The following NAALADL2 variants were observed in gnomAD, a reference collection of about 807,000 sequenced individuals.
The protein encoded by NAALADL2 is N-acetylated alpha-linked acidic dipeptidase like 2.
Under a neutral mutation model 87.2 loss-of-function variants are expected in NAALADL2, and 76 were observed. That is an observed-to-expected ratio of 0.87 (90% CI 0.72 to 1.05). The LOEUF is 1.05. Among genes scored for constraint, NAALADL2 ranks in the 50% least tolerant of loss-of-function variants. NAALADL2 has a pLI of 0.00. For synonymous variants in NAALADL2, 354 were observed against 331.0 expected (o/e 1.07, Z -0.75); for missense variants, 1,089 against 945.8 (o/e 1.15, Z -1.99).
At chr3:175,625,237 A>T (rs12696381) in intron 10 of NAALADL2, among the ~76,000 whole-genome samples, 145,243 of 152,072 alleles carry the variant, frequency 0.96, 69,400 homozygotes, top group Admixed American at 0.97. Flanking sequence ...AACTCCACAT[A>T]ACCTCAGGTC....
At chr3:175,546,270 A>G (rs1200772020) in intron 9 of NAALADL2, among the ~76,000 whole-genome samples, 2 of 151,856 alleles carry the variant, frequency 1.3e-5, no homozygotes, top group African/African-American at 4.8e-5. Flanking sequence ...CTTTATTTTG[A>G]GCATATGTAT....
intron 7 of NAALADL2, among the ~76,000 whole-genome samples, chr3:175,465,352 T>C (rs950072184): frequency 3.9e-5 from 6 of 152,126 alleles, no homozygotes; most frequent in Non-Finnish European, 7.4e-5. Flanking sequence ...ATATGGTTTA[T>C]TTAGAATGCA....
At chr3:174,719,598 A>G (rs1436654015) in intron 2 of NAALADL2, among the ~76,000 whole-genome samples, 5 of 152,196 alleles carry the variant, frequency 3.3e-5, no homozygotes, top group Non-Finnish European at 5.9e-5. Context: ...TGTTGTTAGT[A>G]TATATCATGA....
chr3:174,495,105 A>T (rs1007925198), intron 1 of NAALADL2, among the ~76,000 whole-genome samples: 4 of 152,234 alleles, frequency 2.6e-5, no homozygotes, highest in East Asian at 3.9e-4. Flanking sequence ...TACTGGAGAA[A>T]TTTTTTTAAA....
At chr3:175,535,292 T>C (rs910816068) in intron 9 of NAALADL2, among the ~76,000 whole-genome samples, 1 of 152,224 alleles carries the variant, frequency 6.6e-6, no homozygotes, top group African/African-American at 2.4e-5. Flanking sequence ...TATTGAGGAA[T>C]GTATTTTTGG....
At chr3:175,532,330 G>T (rs998236048) in intron 9 of NAALADL2, among the ~76,000 whole-genome samples, 1 of 152,106 alleles carries the variant, frequency 6.6e-6, no homozygotes, top group Non-Finnish European at 1.5e-5. Context: ...CTGGTAAAAG[G>T]CCTGAGTTGT....
chr3:175,459,421 AG>A (rs1201473571), intron 6 of NAALADL2, among the ~76,000 whole-genome samples: 1 of 152,040 alleles, frequency 6.6e-6, no homozygotes, highest in African/African-American at 2.4e-5. Context: ...GGCGTAGAAA[AG>A]GATAAATAGA....
At chr3:175,109,101 A>G (rs1723741557) in intron 2 of NAALADL2, among the ~76,000 whole-genome samples, 1 of 151,866 alleles carries the variant, frequency 6.6e-6, no homozygotes, top group Non-Finnish European at 1.5e-5. Flanking sequence ...TTATATTTCA[A>G]TCAAATAATT....
intron 9 of NAALADL2, among the ~76,000 whole-genome samples, chr3:175,517,091 A>G (rs2149407664): frequency 1.3e-5 from 2 of 152,310 alleles, no homozygotes; most frequent in Middle Eastern, 3.4e-3. Context: ...TAACAATTCA[A>G]TCTTTACCTA....
chr3:175,324,061 A>AG, intron 4 of NAALADL2, 114 bp from the exon 5 acceptor site: 1 of 776,266 alleles, frequency 1.3e-6, no homozygotes, highest in East Asian at 2.9e-5. Context: ...AAAAAGAAAA[A>AG]GAAAAAAAAA....
chr3:175,423,758 T>C (rs1013059322), intron 5 of NAALADL2, among the ~76,000 whole-genome samples: 9 of 152,196 alleles, frequency 5.9e-5, no homozygotes, highest in African/African-American at 1.9e-4. Context: ...CAGCATGATT[T>C]ATAATCCTTT....
chr3:174,758,906 G>A (rs1712499341), intron 3 of NAALADL2, among the ~76,000 whole-genome samples: 1 of 152,094 alleles, frequency 6.6e-6, no homozygotes, highest in Non-Finnish European at 1.5e-5. Flanking sequence ...TTCTTTCCTA[G>A]TGGGCCTTAT....
chr3:174,535,420 T>A (rs996819243), intron 1 of NAALADL2, among the ~76,000 whole-genome samples: 10 of 152,208 alleles, frequency 6.6e-5, no homozygotes, highest in African/African-American at 2.4e-4. Flanking sequence ...AATAGTATTA[T>A]CCTAACAGAC....
chr3:175,179,997 T>A (rs1263204562), intron 2 of NAALADL2, among the ~76,000 whole-genome samples: 1 of 152,032 alleles, frequency 6.6e-6, no homozygotes, highest in African/African-American at 2.4e-5. Context: ...TCTGTAATTG[T>A]GTTGATGGTT....
intron 2 of NAALADL2, among the ~76,000 whole-genome samples, chr3:174,555,496 C>T (rs775322728): frequency 8.5e-5 from 13 of 152,112 alleles, no homozygotes; most frequent in Non-Finnish European, 1.5e-4. Flanking sequence ...GAAGGGGTTT[C>T]GCCATGTTGG....
At chr3:175,322,767 G>A (rs1263184146) in intron 4 of NAALADL2, among the ~76,000 whole-genome samples, 3 of 148,158 alleles carry the variant, frequency 2.0e-5, no homozygotes, top group Non-Finnish European at 3.0e-5. Context: ...TCAGAGAAAT[G>A]CAAATCAAAA....
chr3:175,190,993 A>AAAG (rs1738102708), intron 2 of NAALADL2, among the ~76,000 whole-genome samples: 1 of 151,606 alleles, frequency 6.6e-6, no homozygotes, highest in African/African-American at 2.4e-5. Context: ...AAAAAAAAAA[A>AAAG]AAAAAGAAAA....
intron 9 of NAALADL2, among the ~76,000 whole-genome samples, chr3:175,496,775 G>T (rs1728873602): frequency 6.6e-6 from 1 of 151,962 alleles, no homozygotes; most frequent in Admixed American, 6.6e-5. Flanking sequence ...GTCCAGGCTG[G>T]TCTTGAACTC....
chr3:174,885,542 G>A (rs1423763905), intron 1 of NAALADL2, among the ~76,000 whole-genome samples: 1 of 152,100 alleles, frequency 6.6e-6, no homozygotes, highest in Non-Finnish European at 1.5e-5. Context: ...CAATTATTTT[G>A]TGTAATTCTC....
Sources: gnomAD v4.1 joint callset for allele counts (sites outside exome capture counted in the v4.1 genomes callset) on GRCh38, gnomAD v4.1.1 for gene constraint, MANE v1.5 for transcripts, NCBI Gene and HGNC (gene_info 2026-07-23, HGNC 2026-07-21) for gene names.